The following GUCY1A2 variants were observed in gnomAD, a reference collection of about 807,000 sequenced individuals.
GUCY1A2 encodes guanylate cyclase soluble subunit alpha-2.
A neutral mutation model predicts 63.5 loss-of-function variants in GUCY1A2; 27 were observed. The observed-to-expected ratio is 0.43, with a 90% confidence interval of 0.31 to 0.59. GUCY1A2 has a LOEUF of 0.59. GUCY1A2 is among the 20% of genes least tolerant of loss of function. GUCY1A2 has a pLI of 0.11. For missense variants in GUCY1A2, 768 were observed against 913.3 expected (o/e 0.84, Z 2.05); for synonymous variants, 364 against 343.5 (o/e 1.06, Z -0.66).
At chr11:106,856,843 C>A (rs1310029092) in intron 4 of GUCY1A2, among the ~76,000 whole-genome samples, 1 of 152,184 alleles carries the variant, frequency 6.6e-6, no homozygotes, top group Non-Finnish European at 1.5e-5. Context: ...GCTCTGCCAA[C>A]TTCCCTACTT....
chr11:106,992,950 C>T (rs920080788), intron 1 of GUCY1A2, among the ~76,000 whole-genome samples: 1 of 152,146 alleles, frequency 6.6e-6, no homozygotes, highest in Non-Finnish European at 1.5e-5. Flanking sequence ...TTTCCAAAAG[C>T]CATTCTTTGC....
chr11:106,897,421 G>A (rs1860065763), intron 4 of GUCY1A2, among the ~76,000 whole-genome samples: 1 of 151,952 alleles, frequency 6.6e-6, no homozygotes, highest in African/African-American at 2.4e-5. Context: ...TAAAGTTGGA[G>A]GACTGACATT....
chr11:106,924,369 G>A (rs567031250), intron 4 of GUCY1A2, among the ~76,000 whole-genome samples: 1 of 152,138 alleles, frequency 6.6e-6, no homozygotes, highest in Non-Finnish European at 1.5e-5. Context: ...ATTGATCCTA[G>A]ACTCCATAAA....
intron 4 of GUCY1A2, among the ~76,000 whole-genome samples, chr11:106,871,911 A>C (rs1156856318): frequency 6.6e-6 from 1 of 152,162 alleles, no homozygotes; most frequent in Non-Finnish European, 1.5e-5. Flanking sequence ...AATTAGTCAA[A>C]TCCCTGAAGT....
intron 6 of GUCY1A2, among the ~76,000 whole-genome samples, chr11:106,727,987 A>C (rs1295622147): frequency 1.3e-5 from 2 of 152,084 alleles, no homozygotes; most frequent in Non-Finnish European, 2.9e-5. Context: ...CCAACTTCCC[A>C]CTAATAATAT....
chr11:106,691,424 G>C (rs1862622827), intron 7 of GUCY1A2, among the ~76,000 whole-genome samples: 1 of 152,112 alleles, frequency 6.6e-6, no homozygotes, highest in Non-Finnish European at 1.5e-5. Context: ...TCAACAATTA[G>C]GACTGCACAT....
rs78779430 is a variant in GUCY1A2 at position 106,804,888 on chromosome 11, G to A, written c.1692+5105C>T. ...ATCTAGACATGTTGCCTGGTTTCCAGTTCCTATCATCTAGTCCCCTTGGGC... is the reference window on the plus strand; with the variant it reads ...ATCTAGACATGTTGCCTGGTTTCCAATTCCTATCATCTAGTCCCCTTGGGC... On this transcript the variant is annotated intron_variant, in intron 5 of 7. Transcript: ENST00000526355. 1.8e-3 allele frequency among the ~76,000 whole-genome samples: 271 copies of A among 152,224 alleles called. 5 individuals carry two copies. In the East Asian group the frequency reaches 0.047, roughly 27 times the overall value.
intron 4 of GUCY1A2, chr11:106,826,674 C>G (rs2135433815): frequency 6.2e-7 from 1 of 1,609,070 alleles, no homozygotes; most frequent in African/African-American, 1.3e-5. Context: ...CATGAGCAAA[C>G]AGTTCAAAGC....
intron 1 of GUCY1A2, among the ~76,000 whole-genome samples, chr11:107,008,500 A>C (rs920648778): frequency 6.6e-6 from 1 of 152,186 alleles, no homozygotes; most frequent in Non-Finnish European, 1.5e-5. Flanking sequence ...TAAAAATCAC[A>C]AAATCATTAT....
At chr11:106,827,141 A>T in intron 4 of GUCY1A2, 1 of 1,486,364 alleles carries the variant, frequency 6.7e-7, no homozygotes, top group Non-Finnish European at 9.4e-7. Context: ...ATCTTATGAG[A>T]AAACTCTTTT....
intron 4 of GUCY1A2, among the ~76,000 whole-genome samples, chr11:106,911,206 T>C (rs1244103101): frequency 6.6e-6 from 1 of 151,992 alleles, no homozygotes; most frequent in Non-Finnish European, 1.5e-5. Context: ...CCTCACTATA[T>C]ATAAAAATGC....
At chr11:106,876,385 TA>T (rs1173176667) in intron 4 of GUCY1A2, among the ~76,000 whole-genome samples, 1 of 151,440 alleles carries the variant, frequency 6.6e-6, no homozygotes, top group Non-Finnish European at 1.5e-5. Flanking sequence ...AAGTGAATTG[TA>T]AAAAAATTAA....
chr11:107,003,204 T>C (rs1861631506), intron 1 of GUCY1A2, among the ~76,000 whole-genome samples: 1 of 152,210 alleles, frequency 6.6e-6, no homozygotes, highest in Non-Finnish European at 1.5e-5. Context: ...ATATTCCCTT[T>C]TTAAACTTTG....
rs539773302 is a variant in GUCY1A2 at position 106,799,545 on chromosome 11, G to A, written c.1692+10448C>T. On this transcript the variant is annotated intron_variant, in intron 5 of 7. Transcript: ENST00000526355. ...ATGGTACTGGTACCAAAACAGAGAT[G>A]TAGACCAATGGTACAGAACAGAGTT... Among the ~76,000 whole-genome samples the A allele has an allele frequency of 1.1e-3, 170 of 152,194 alleles. 1 individual carries two copies. The South Asian group carries it at 0.015, about 13-fold the overall frequency.
chr11:107,004,812 C>A (rs545360302), intron 1 of GUCY1A2, among the ~76,000 whole-genome samples: 1 of 152,104 alleles, frequency 6.6e-6, no homozygotes, highest in Admixed American at 6.6e-5. Context: ...GAGAACCAAG[C>A]AAAGGATGTG....
chr11:106,797,608 G>A (rs887555654), intron 5 of GUCY1A2, among the ~76,000 whole-genome samples: 4 of 152,128 alleles, frequency 2.6e-5, no homozygotes, highest in African/African-American at 9.7e-5. Context: ...TCAGGATTAA[G>A]AAACTCACTC....
chr11:106,967,944 A>C (rs1189364677), intron 3 of GUCY1A2, among the ~76,000 whole-genome samples: 1 of 152,246 alleles, frequency 6.6e-6, no homozygotes, highest in African/African-American at 2.4e-5. Flanking sequence ...CCTGAAGAGA[A>C]GTAGGAATAA....
chr11:106,972,522 G>A (rs764140554), intron 3 of GUCY1A2, among the ~76,000 whole-genome samples: 23 of 152,016 alleles, frequency 1.5e-4, no homozygotes, highest in Admixed American at 3.3e-4. Flanking sequence ...TAGTGATAGC[G>A]AAACAATGCT....
intron 3 of GUCY1A2, among the ~76,000 whole-genome samples, chr11:106,973,982 A>G (rs1861230103): frequency 1.3e-5 from 2 of 152,090 alleles, no homozygotes; most frequent in Admixed American, 6.6e-5. Flanking sequence ...AATAAGAAAT[A>G]TGAGGTAAGG....
Sources: allele counts gnomAD v4.1 joint callset (sites outside exome capture counted in the v4.1 genomes callset), GRCh38; gene constraint gnomAD v4.1.1; transcripts MANE v1.5; gene names NCBI Gene and HGNC (gene_info 2026-07-23, HGNC 2026-07-21).